The following GTF2IRD1 variants were observed in gnomAD, a reference collection of about 807,000 sequenced individuals.
The protein encoded by GTF2IRD1 is general transcription factor II-I repeat domain-containing protein 1.
In GTF2IRD1, 26 loss-of-function variants were observed where a neutral mutation model predicts 113.2. The ratio of observed to expected loss-of-function variants is 0.23; its 90% CI spans 0.17 to 0.32. The LOEUF is 0.32. Among genes scored for constraint, GTF2IRD1 ranks in the 10% least tolerant of loss-of-function variants. GTF2IRD1 has a pLI of 1.00. For missense variants in GTF2IRD1, 864 were observed against 1,280.8 expected, an observed-to-expected ratio of 0.67 and a Z score of 4.97; for synonymous variants, 484 against 529.1, an observed-to-expected ratio of 0.91 and a Z score of 1.17.
intron 10 of GTF2IRD1, 126 bp from the exon 11 acceptor site, chr7:74,536,041 G>A (rs1798274218): frequency 3.2e-6 from 2 of 628,130 alleles, no homozygotes; most frequent in Non-Finnish European, 5.8e-6. Context: ...CGCCCACAAG[G>A]ACAGGCAGAG....
At chr7:74,550,587 G>A (rs1254829651) in intron 17 of GTF2IRD1, among the ~76,000 whole-genome samples, 2 of 151,286 alleles carry the variant, frequency 1.3e-5, no homozygotes, top group Admixed American at 6.6e-5. Flanking sequence ...ACCCTGTCTC[G>A]AAAATTTTTT....
chr7:74,595,432 A>G (rs1258226791), intron 25 of GTF2IRD1, among the ~76,000 whole-genome samples: 2 of 151,850 alleles, frequency 1.3e-5, no homozygotes, highest in East Asian at 1.9e-4. Flanking sequence ...GAAAGAAAGA[A>G]AAAAGCAGAG....
At chr7:74,508,614 C>CT (rs1796434343) in intron 2 of GTF2IRD1, among the ~76,000 whole-genome samples, 1 of 146,288 alleles carries the variant, frequency 6.8e-6, no homozygotes, top group Non-Finnish European at 1.5e-5. Flanking sequence ...TTGCTTGAAC[C>CT]TGGGAGGTGG....
intron 1 of GTF2IRD1, among the ~76,000 whole-genome samples, chr7:74,477,373 A>AAGGGGGGGGGGGGGGGGGGGGGG (rs1794483086): frequency 7.3e-6 from 1 of 137,164 alleles, no homozygotes. Context: ...CAAAAAAAAA[A>AAGGGGGGGGGGGGGGGGGGGGGG]GAGGTGCGGG....
At chr7:74,519,132 G>T (rs1797116364) in intron 5 of GTF2IRD1, among the ~76,000 whole-genome samples, 1 of 152,214 alleles carries the variant, frequency 6.6e-6, no homozygotes, top group Non-Finnish European at 1.5e-5. Context: ...CAGGAGACAG[G>T]AGGCAATCAA....
chr7:74,496,376 ATATG>A (rs2129720193), intron 1 of GTF2IRD1, among the ~76,000 whole-genome samples: 2 of 127,688 alleles, frequency 1.6e-5, no homozygotes, highest in East Asian at 2.4e-4. Flanking sequence ...GTGTGTGCAT[ATATG>A]TGTGTGATAT....
intron 22 of GTF2IRD1, among the ~76,000 whole-genome samples, chr7:74,576,300 A>C (rs1801060023): frequency 6.6e-6 from 1 of 151,702 alleles, no homozygotes; most frequent in South Asian, 2.1e-4. Context: ...GTGGCTCACG[A>C]CTGTAATCCT....
intron 22 of GTF2IRD1, among the ~76,000 whole-genome samples, chr7:74,582,992 C>A (rs1290045469): frequency 4.0e-5 from 6 of 148,888 alleles, no homozygotes; most frequent in South Asian, 2.2e-4. Context: ...AAAAAAAAAA[C>A]CACGTAATTC....
At chr7:74,491,960 C>T (rs1421192576) in intron 1 of GTF2IRD1, among the ~76,000 whole-genome samples, 3 of 152,062 alleles carry the variant, frequency 2.0e-5, no homozygotes, top group Non-Finnish European at 2.9e-5. Flanking sequence ...TCCTTTTTCT[C>T]CACAACCTCA....
intron 9 of GTF2IRD1, among the ~76,000 whole-genome samples, chr7:74,534,616 T>A (rs1310619524): frequency 3.3e-5 from 5 of 151,850 alleles, no homozygotes; most frequent in African/African-American, 1.2e-4. Flanking sequence ...GGAGCGAGGC[T>A]GACAATGACT....
rs182877417 is a variant in GTF2IRD1, at chr7:74,459,400, G to A, written c.-7+5224G>A. On this transcript the variant is annotated intron_variant, in intron 1 of 26. Coordinates refer to ENST00000424337, the MANE Select transcript of GTF2IRD1 (RefSeq NM_005685.4). The stretch of plus-strand genomic sequence containing the variant: ...TTGAACCTAAGAGGTGAAGGTTGCC[G>A]TGAGCTGAGATCGTACCATTGCACT... Among the ~76,000 whole-genome samples, 59 of 152,170 alleles carry A rather than the reference G, an allele frequency of 3.9e-4. 1 individual carries two copies. The East Asian group carries it at 0.01, about 26-fold the overall frequency.
chr7:74,566,006 A>AAC (rs66556824), intron 22 of GTF2IRD1, among the ~76,000 whole-genome samples: 23,927 of 143,060 alleles, frequency 0.17, 2,784 homozygotes, highest in African/African-American at 0.34. Flanking sequence ...AAGACACACA[A>AAC]ACACACACAC....
intron 3 of GTF2IRD1, among the ~76,000 whole-genome samples, chr7:74,515,056 CAAA>C (rs782246030): frequency 1.5e-5 from 1 of 66,812 alleles, no homozygotes; most frequent in African/African-American, 5.7e-5. Context: ...GACTCTGTCT[CAAA>C]AAAAAAAAAA....
intron 19 of GTF2IRD1, among the ~76,000 whole-genome samples, chr7:74,556,448 G>A (rs1249872646): frequency 6.6e-6 from 1 of 151,376 alleles, no homozygotes; most frequent in East Asian, 2.0e-4. Context: ...AGGCTCCCAA[G>A]TAGCTGGGAT....
At chr7:74,598,103 G>A (rs1554372909) in intron 25 of GTF2IRD1, among the ~76,000 whole-genome samples, 1 of 152,094 alleles carries the variant, frequency 6.6e-6, no homozygotes, top group African/African-American at 2.4e-5. Context: ...CGTACCTGTT[G>A]TCCCAGATAG....
In GTF2IRD1 at chr7:74,563,757, G is replaced by A. The variant is rs182464335; in HGVS notation, c.2320+4102G>A. On this transcript the variant is annotated intron_variant, in intron 22 of 26. Coordinates refer to ENST00000424337, the MANE Select transcript of GTF2IRD1 (RefSeq NM_005685.4). ...AAAAATTAGCCAGGCACGGTGGCACGCACCTGTAGTCTCAGCTACTCAGGA... is the reference window on the plus strand; with the variant it reads ...AAAAATTAGCCAGGCACGGTGGCACACACCTGTAGTCTCAGCTACTCAGGA... 1.5e-3 allele frequency among the ~76,000 whole-genome samples: 230 copies of A among 152,022 alleles called. 1 individual carries two copies. Among genetic ancestry groups the A allele is most frequent in the Middle Eastern group, 3.4e-3 (1 of 294 alleles).
At position 74,601,048 on chromosome 7, in the gene GTF2IRD1, A is replaced by G. The variant is rs1185247295; in HGVS notation, c.2634A>G (p.Lys878=). ...EICNDAKVPA[K]DSSIPKRKRK... ...AGCCTTTTCCCCTCCTTCCAGCCAA[A>G]GACAGCAGCATTCCCAAGCGCAAGA... is the stretch of plus-strand genomic sequence containing the variant. Residue 878 remains lysine, a synonymous_variant, in exon 26 of 27, where the codon AAA becomes AAG. Coordinates refer to ENST00000424337, the MANE Select transcript of GTF2IRD1 (RefSeq NM_005685.4). The G allele has an allele frequency of 6.2e-7, 1 of 1,614,170 alleles. No homozygotes were observed. Among genetic ancestry groups the G allele is most frequent in the East Asian group, 2.2e-5 (1 of 44,874 alleles).
At chr7:74,522,702 G>A (rs1425526126) in intron 7 of GTF2IRD1, among the ~76,000 whole-genome samples, 1 of 152,146 alleles carries the variant, frequency 6.6e-6, no homozygotes, top group African/African-American at 2.4e-5. Flanking sequence ...CATGGGCCAG[G>A]GACACAAGCT....
intron 1 of GTF2IRD1, among the ~76,000 whole-genome samples, chr7:74,468,675 ACTGT>A (rs1462812963): frequency 2.7e-5 from 3 of 112,818 alleles, no homozygotes; most frequent in African/African-American, 1.0e-4. Context: ...AAAAAAAAAA[ACTGT>A]GTGTGTGTGT....
Sources: gnomAD v4.1 joint callset for allele counts (sites outside exome capture counted in the v4.1 genomes callset) on GRCh38, gnomAD v4.1.1 for gene constraint, MANE v1.5 for transcripts, NCBI Gene and HGNC (gene_info 2026-07-23, HGNC 2026-07-21) for gene names.